MYO3B: variants seen among roughly 807,000 people sequenced by gnomAD.
MYO3B encodes the protein myosin IIIB.
In MYO3B, 156 loss-of-function variants were observed where a neutral mutation model predicts 174.6. The ratio of observed to expected loss-of-function variants is 0.89; its 90% confidence interval spans 0.78 to 1.02. The LOEUF (loss-of-function observed/expected upper bound fraction) is 1.02. Among genes scored for constraint, MYO3B ranks in the 50% least tolerant of loss-of-function variants. The pLI is 0.00. For missense variants in MYO3B, 1,632 were observed against 1,639.4 expected (o/e 1.00, Z 0.08); for synonymous variants, 563 against 569.1 (o/e 0.99, Z 0.15).
intron 16 of MYO3B, among the ~76,000 whole-genome samples, 195 bp downstream of exon 16, chr2:170,392,690 G>A (rs2094420169): frequency 6.6e-6 from 1 of 152,164 alleles, no homozygotes; most frequent in Non-Finnish European, 1.5e-5. Context: ...TAGAAATGCA[G>A]ACCCTGAGGT....
chr2:170,370,352 G>A lies in MYO3B; in HGVS notation c.971+975G>A, dbSNP rs1022258169. Among the ~76,000 whole-genome samples the A allele has an allele frequency of 5.3e-5, 8 of 152,160 alleles. No homozygotes were observed. In the South Asian group the frequency reaches 8.3e-4, roughly 16 times the overall value. On this transcript the variant is annotated intron_variant, in intron 9 of 34. Transcript: ENST00000408978. ...CATCCAAACTCTTGGAGCTGGAGGC[G>A]TAGTATCAAGGTGACTATATTTTGC...
chr2:170,363,125 A>T (rs1012725763), intron 8 of MYO3B, among the ~76,000 whole-genome samples: 1 of 152,110 alleles, frequency 6.6e-6, no homozygotes, highest in Non-Finnish European at 1.5e-5. Flanking sequence ...AAATGTTTAG[A>T]TCTTCTGTAG....
chr2:170,184,644 A>G (rs2092441452), intron 1 of MYO3B, among the ~76,000 whole-genome samples: 1 of 152,326 alleles, frequency 6.6e-6, no homozygotes, highest in Non-Finnish European at 1.5e-5. Flanking sequence ...TGCTACAATA[A>G]ACATGGGAGT....
chr2:170,261,154 G>A (rs1043874384), intron 7 of MYO3B, among the ~76,000 whole-genome samples: 2 of 152,244 alleles, frequency 1.3e-5, no homozygotes, highest in East Asian at 1.9e-4. Flanking sequence ...CTCCCAAGTA[G>A]CTGGGATTAC....
rs3047156 is a variant in MYO3B at position 170,636,957 on chromosome 2, CGTGT to C, written c.3734-14642_3734-14639del. The stretch of plus-strand genomic sequence containing the variant: ...CATGGACAAAGCATTTGCTTTTGTG[CGTGT>C]GTGTGTGTGTGTGTGTGTGTGTGTG... On this transcript the variant is annotated intron_variant, in intron 32 of 34. Transcript: ENST00000408978. Among the ~76,000 whole-genome samples the C allele has an allele frequency of 3.7e-3, 548 of 146,666 alleles. 5 individuals carry two copies. The highest frequency in any genetic ancestry group is 0.011 in the African/African-American group (440 of 39,704).
At chr2:170,628,700 A>T (rs1422658080) in intron 32 of MYO3B, among the ~76,000 whole-genome samples, 1 of 151,756 alleles carries the variant, frequency 6.6e-6, no homozygotes, top group Non-Finnish European at 1.5e-5. Flanking sequence ...TTATAAATCA[A>T]ACTCTGATAT....
At chr2:170,428,728 A>G (rs981281313) in intron 22 of MYO3B, among the ~76,000 whole-genome samples, 1 of 152,234 alleles carries the variant, frequency 6.6e-6, no homozygotes, top group Non-Finnish European at 1.5e-5. Context: ...CATGCCTGGC[A>G]TTGATCTAGG....
chr2:170,651,834 C>A, intron 33 of MYO3B, 100 bp downstream of exon 33: 1 of 930,718 alleles, frequency 1.1e-6, no homozygotes. Flanking sequence ...CCACCCCCAC[C>A]CTCATGCTCT....
At position 170,386,498 on chromosome 2, in the gene MYO3B, G is replaced by A. The variant is rs183587493; in HGVS notation, c.1374+226G>A. Among the ~76,000 whole-genome samples, 6 of 152,124 alleles carry A rather than the reference G, an allele frequency of 3.9e-5. No individual in the cohort carries two copies. The East Asian group carries it at 7.7e-4, about 20-fold the overall frequency. On this transcript the variant is annotated intron_variant, in intron 13 of 34. Coordinates refer to ENST00000408978, the MANE Select transcript of MYO3B (RefSeq NM_138995.5). The stretch of plus-strand genomic sequence containing the variant: ...TCCAGCACAAATTTACTAGATTATC[G>A]GCAATTAATTTTCATGTTTTCAATG...
rs771656263 is a variant in MYO3B, at chr2:170,407,788, G to A, written c.2594G>A (p.Arg865Lys). The A allele has an allele frequency of 1.4e-5, 22 of 1,614,096 alleles. No homozygotes were observed. The South Asian group carries it at 2.4e-4, about 18-fold the overall frequency. ...TLPADVVVVL[R>K]TSENKLLQQL... ...CCTGCCGATGTGGTTGTGGTCCTGA[G>A]AACGTCAGAAAACAAGCTTCTTCAG... is the stretch of plus-strand genomic sequence containing the variant. The change falls in exon 22 of 35, where the codon AGA becomes AAA. Residue 865 changes from arginine to lysine, a missense_variant. By Grantham distance (26) the Arg-to-Lys change is conservative. Coordinates refer to ENST00000408978, the MANE Select transcript of MYO3B (RefSeq NM_138995.5).
chr2:170,371,743 A>G (rs2094247171), intron 9 of MYO3B, among the ~76,000 whole-genome samples: 1 of 151,482 alleles, frequency 6.6e-6, no homozygotes, highest in Non-Finnish European at 1.5e-5. Context: ...TTGAGGCCTA[A>G]TTACCCGCTC....
At chr2:170,200,024 G>A in intron 2 of MYO3B, 126 bp from the exon 3 acceptor site, 1 of 762,486 alleles carries the variant, frequency 1.3e-6, no homozygotes. Context: ...ATATTTTGAA[G>A]GTATGGTAAT....
At chr2:170,203,507 G>A (rs1282874623) in intron 3 of MYO3B, among the ~76,000 whole-genome samples, 9 of 133,444 alleles carry the variant, frequency 6.7e-5, no homozygotes, top group African/African-American at 2.5e-4. Flanking sequence ...GCGGGGGGGG[G>A]AGGGAGGGAG....
intron 32 of MYO3B, among the ~76,000 whole-genome samples, chr2:170,547,317 A>G (rs1037091396): frequency 2.5e-4 from 38 of 151,150 alleles, no homozygotes; most frequent in Admixed American, 1.6e-3. Flanking sequence ...GCGACAGAGC[A>G]AGACTCTGTC....
intron 32 of MYO3B, among the ~76,000 whole-genome samples, chr2:170,555,317 C>T (rs1055545519): frequency 2.0e-5 from 3 of 152,096 alleles, no homozygotes; most frequent in East Asian, 1.9e-4. Context: ...TTGTGCTGTA[C>T]GTTCTGTGAG....
At chr2:170,238,603 C>T (rs1419992544) in intron 7 of MYO3B, among the ~76,000 whole-genome samples, 1 of 151,772 alleles carries the variant, frequency 6.6e-6, no homozygotes, top group African/African-American at 2.4e-5. Flanking sequence ...TTCCCGGCAA[C>T]CCTTTCTTTA....
At chr2:170,397,530 C>A (rs1006360723) in intron 16 of MYO3B, among the ~76,000 whole-genome samples, 2 of 152,068 alleles carry the variant, frequency 1.3e-5, no homozygotes, top group African/African-American at 4.8e-5. Flanking sequence ...GTAAATACAC[C>A]TTAATTTCTT....
chr2:170,231,243 T>G (rs985112729), intron 6 of MYO3B, among the ~76,000 whole-genome samples: 1 of 152,218 alleles, frequency 6.6e-6, no homozygotes, highest in Admixed American at 6.5e-5. Context: ...TGTGAACTCC[T>G]TAGCCTGAAG....
At chr2:170,592,993 A>G (rs1014769203) in intron 32 of MYO3B, among the ~76,000 whole-genome samples, 1 of 152,176 alleles carries the variant, frequency 6.6e-6, no homozygotes, top group East Asian at 1.9e-4. Context: ...AAATAGGTAG[A>G]TAGATAGATG....
Sources: allele counts gnomAD v4.1 joint callset (sites outside exome capture counted in the v4.1 genomes callset), GRCh38; gene constraint gnomAD v4.1.1; transcripts MANE v1.5; gene names NCBI Gene and HGNC (gene_info 2026-07-23, HGNC 2026-07-21).